Variants in UGGT1 observed in about 807,000 individuals in gnomAD.
UGGT1 encodes UDP-glucose glycoprotein glucosyltransferase 1.
A neutral mutation model predicts 203.9 loss-of-function variants in UGGT1; 107 were observed. The ratio of observed to expected loss-of-function variants is 0.52; its 90% CI spans 0.45 to 0.62. UGGT1 has a LOEUF of 0.62. Among genes scored for constraint, UGGT1 ranks in the 20% least tolerant of loss-of-function variants. The pLI, the probability that UGGT1 is intolerant of heterozygous loss-of-function variation, is 0.00. For synonymous variants in UGGT1, 628 were observed against 653.5 expected (o/e 0.96, Z 0.59); for missense variants, 1,673 against 1,867.2 (o/e 0.90, Z 1.92).
Position 128,159,723 on chromosome 2 carries a change from A to G in UGGT1, c.2562+3A>G, listed in dbSNP as rs763215417. The stretch of plus-strand genomic sequence containing the variant: ...ACATTGCGGAGTTCTCTGTTGGGGT[A>G]AGGCTCTGAGCCTCTCATGAGGCTG... On this transcript the variant is annotated splice_donor_region_variant and intron_variant, in intron 23 of 40. Transcript: ENST00000259253. 1.2e-6 allele frequency: 2 copies of G among 1,613,922 alleles called. No individual in the cohort carries two copies. Among genetic ancestry groups the G allele is most frequent in the East Asian group, 2.2e-5 (1 of 44,876 alleles).
chr2:128,127,439 C>CAGGATATATTCAGGTATGGATAATATTT lies in UGGT1; in HGVS notation c.1214_1226+15dup. Reference sequence around the variant, plus strand: ...TGGACTTCACATGGATTTAGATACACAGGATATATTCAGGTATGGATAATA... The same window carrying CAGGATATATTCAGGTATGGATAATATTT: ...TGGACTTCACATGGATTTAGATACACAGGATATATTCAGGTATGGATAATATTTAGGATATATTCAGGTATGGATAATA... On this transcript the variant is annotated stop_gained and frameshift_variant, in exon 12 of 41. Transcript: ENST00000259253. LOFTEE classifies it high-confidence loss of function. 1 of 1,611,226 alleles carries CAGGATATATTCAGGTATGGATAATATTT rather than the reference C, an allele frequency of 6.2e-7. No individual in the cohort carries two copies. Among genetic ancestry groups the CAGGATATATTCAGGTATGGATAATATTT allele is most frequent in the Non-Finnish European group, 8.5e-7 (1 of 1,177,446 alleles).
chr2:128,092,144 C>T lies in UGGT1; in HGVS notation c.58+729C>T, dbSNP rs75126667. Among the ~76,000 whole-genome samples, 33 of 152,058 alleles carry T rather than the reference C, an allele frequency of 2.2e-4. No homozygotes were observed. The East Asian group carries it at 5.4e-3, about 25-fold the overall frequency. On this transcript the variant is annotated intron_variant, in intron 1 of 40. Coordinates refer to ENST00000259253, the MANE Select transcript of UGGT1 (RefSeq NM_020120.4). ...TTAGTGTAAAGTGCCCTCTTTCCTT[C>T]AAGAATCTTACACTTGCAGGCGTTT... is the stretch of plus-strand genomic sequence containing the variant.
At chr2:128,160,090 A>G (rs544721251) in intron 23 of UGGT1, among the ~76,000 whole-genome samples, 1 of 152,042 alleles carries the variant, frequency 6.6e-6, no homozygotes, top group African/African-American at 2.4e-5. Context: ...ATTTTATGTT[A>G]CTTATTTTTT....
intron 8 of UGGT1, among the ~76,000 whole-genome samples, chr2:128,118,494 G>A (rs1688233603): frequency 6.6e-6 from 1 of 152,092 alleles, no homozygotes; most frequent in Non-Finnish European, 1.5e-5. Flanking sequence ...TTGAACTTTG[G>A]GTTCAAGTGA....
chr2:128,121,405 C>CTTTTT (rs10636999), intron 10 of UGGT1, 107 bp downstream of exon 10: 72 of 452,566 alleles, frequency 1.6e-4, no homozygotes, highest in South Asian at 5.9e-4. Context: ...AATTAAGATT[C>CTTTTT]TTTTTTTTTT....
At chr2:128,162,525 G>C (rs959893825) in intron 25 of UGGT1, among the ~76,000 whole-genome samples, 1 of 152,090 alleles carries the variant, frequency 6.6e-6, no homozygotes, top group African/African-American at 2.4e-5. Context: ...TGTTGACTTG[G>C]ATAGCTGTCA....
intron 13 of UGGT1, among the ~76,000 whole-genome samples, chr2:128,132,004 C>T (rs1479160680): frequency 6.6e-6 from 1 of 152,108 alleles, no homozygotes; most frequent in African/African-American, 2.4e-5. Flanking sequence ...AAGTGTTTGT[C>T]CACATACCAG....
In UGGT1 at chr2:128,178,511, G is replaced by C. The variant is rs753443375; in HGVS notation, c.3757G>C (p.Asp1253His). Residue 1253 changes from aspartate to histidine, a missense_variant, in exon 34 of 41, where the codon GAT becomes CAT. Physicochemically the swap from Asp to His is moderately conservative, Grantham distance 81. Transcript: ENST00000259253. ...QKTEEVKQDK[D>H]DIINIFSVAS... ...GACTGAGGAAGTGAAGCAAGATAAA[G>C]ATGACATAATTAATATTTTCTCCGT... The C allele has an allele frequency of 1.2e-6, 2 of 1,613,744 alleles. No homozygotes were observed. Among genetic ancestry groups the C allele is most frequent in the African/African-American group, 1.3e-5 (1 of 74,924 alleles).
Position 128,187,489 on chromosome 2 carries a change from C to T in UGGT1, c.4517C>T (p.Ala1506Val). Residue 1506 changes from alanine (A) to valine (V), a missense_variant, in exon 40 of 41, where the codon GCT (alanine) becomes GTT (valine). By Grantham distance (64) the Ala-to-Val change is moderately conservative (BLOSUM62 0). Coordinates refer to ENST00000259253, the MANE Select transcript of UGGT1 (RefSeq NM_020120.4). ...ACCAAAGAGCCGAAACTGGAAGCAGCTGTGCGGATTGTCCCGGAGTGGCAG... is the reference window on the plus strand; with the variant it reads ...ACCAAAGAGCCGAAACTGGAAGCAGTTGTGCGGATTGTCCCGGAGTGGCAG... ...PMTKEPKLEA[A>V]VRIVPEWQDY... 6.2e-7 allele frequency: 1 copy of T among 1,614,058 alleles called. No homozygotes were observed. The highest frequency in any genetic ancestry group is 8.5e-7 in the Non-Finnish European group (1 of 1,179,952).
At chr2:128,115,757 A>G (rs1202578701) in intron 7 of UGGT1, among the ~76,000 whole-genome samples, 1 of 152,106 alleles carries the variant, frequency 6.6e-6, no homozygotes, top group African/African-American at 2.4e-5. Context: ...TTTATCTACA[A>G]GTTTTAAATG....
chr2:128,167,750 A>G (rs1214377423), intron 26 of UGGT1, among the ~76,000 whole-genome samples: 3 of 152,194 alleles, frequency 2.0e-5, no homozygotes, highest in Non-Finnish European at 4.4e-5. Flanking sequence ...GATGTTGTTC[A>G]TATTGTTCCC....
intron 31 of UGGT1, 86 bp downstream of exon 31, chr2:128,174,944 C>A: frequency 8.7e-7 from 1 of 1,147,934 alleles, no homozygotes; most frequent in South Asian, 1.5e-5. Flanking sequence ...GGCAGTTAGC[C>A]AGGCAACATG....
Position 128,103,950 on chromosome 2 carries a change from C to T in UGGT1, c.213C>T (p.Asp71=). 6.3e-7 allele frequency: 1 copy of T among 1,590,190 alleles called. No homozygotes were observed. The highest frequency in any genetic ancestry group is 8.5e-7 in the Non-Finnish European group (1 of 1,173,142). ...CTCCCAGTGAGTTTTTAGCAGAAGACAGTCAAGAGAAATTTTGGAATTTTG... is the reference window on the plus strand; with the variant it reads ...CTCCCAGTGAGTTTTTAGCAGAAGATAGTCAAGAGAAATTTTGGAATTTTG... ...LLEASEFLAE[D]SQEKFWNFVE... Residue 71 remains aspartate (D), a synonymous_variant, in exon 3 of 41, where the codon GAC becomes GAT. Transcript: ENST00000259253.
At chr2:128,169,768 G>A (rs1691000760) in intron 26 of UGGT1, among the ~76,000 whole-genome samples, 1 of 152,210 alleles carries the variant, frequency 6.6e-6, no homozygotes, top group South Asian at 2.1e-4. Flanking sequence ...GAGACGGAAG[G>A]AAATTGTTTT....
intron 5 of UGGT1, among the ~76,000 whole-genome samples, chr2:128,110,232 T>G (rs992103672): frequency 6.6e-6 from 1 of 152,228 alleles, no homozygotes; most frequent in Admixed American, 6.5e-5. Flanking sequence ...GGGTTTCCTG[T>G]GGTAGACAAC....
At position 128,113,185 on chromosome 2, in the gene UGGT1, C is replaced by T; in HGVS notation, c.623C>T (p.Ser208Phe). Residue 208 changes from serine to phenylalanine, a missense_variant, in exon 6 of 41, where the codon TCC (serine) becomes TTC (phenylalanine). Ser to Phe is a radical substitution (Grantham distance 155, BLOSUM62 -2). Coordinates refer to ENST00000259253, the MANE Select transcript of UGGT1 (RefSeq NM_020120.4). ...TCTGAGATTGGCTCTGAGGAATTTT[C>T]CAATTTTCACCGCCAGCTTATATCA... The part of the protein sequence containing the change: ...FYSEIGSEEF[S>F]NFHRQLISKS... 1 of 1,613,316 alleles carries T rather than the reference C, an allele frequency of 6.2e-7. No individual in the cohort carries two copies. The highest frequency in any genetic ancestry group is 8.5e-7 in the Non-Finnish European group (1 of 1,179,590).
intron 2 of UGGT1, chr2:128,103,187 A>G: frequency 2.2e-6 from 1 of 460,268 alleles, no homozygotes; most frequent in Non-Finnish European, 4.5e-6. Context: ...TAAGACAGTG[A>G]AAGATCACCA....
chr2:128,141,976 C>T (rs1400461295), intron 16 of UGGT1, among the ~76,000 whole-genome samples: 3 of 151,972 alleles, frequency 2.0e-5, no homozygotes, highest in Non-Finnish European at 2.9e-5. Flanking sequence ...CAGTCTCACT[C>T]CATCATCCAA....
chr2:128,150,584 T>G (rs1689905388), intron 18 of UGGT1, among the ~76,000 whole-genome samples: 1 of 151,856 alleles, frequency 6.6e-6, no homozygotes, highest in African/African-American at 2.4e-5. Flanking sequence ...TGTCTGTGTG[T>G]GCACGCATGT....
Sources: allele counts gnomAD v4.1 joint callset (sites outside exome capture counted in the v4.1 genomes callset), GRCh38; gene constraint gnomAD v4.1.1; transcripts MANE v1.5; gene names NCBI Gene and HGNC (gene_info 2026-07-23, HGNC 2026-07-21).